The following SUCO variants were observed in gnomAD, a reference collection of about 807,000 sequenced individuals.
SUCO encodes SUN domain containing ossification factor.
SUCO carries 57 observed loss-of-function variants against 148.1 expected under a neutral mutation model. The observed-to-expected ratio is 0.38, with a 90% CI of 0.31 to 0.48. The LOEUF (loss-of-function observed/expected upper bound fraction) is 0.48, where lower values mean the gene tolerates loss of function less well. SUCO is among the 20% of genes least tolerant of loss of function. The probability of loss-of-function intolerance (pLI) is 0.96; values close to 1 mark genes in which losing one functional copy is unlikely to be tolerated. For synonymous variants in SUCO, 470 were observed against 502.7 expected (o/e 0.93, Z 0.87); for missense variants, 1,331 against 1,468.2 (o/e 0.91, Z 1.53).
chr1:172,538,318 G>A (rs1403294711), intron 1 of SUCO, among the ~76,000 whole-genome samples: 1 of 152,084 alleles, frequency 6.6e-6, no homozygotes, highest in Non-Finnish European at 1.5e-5. Context: ...GTTTTTATCA[G>A]TTTAAGAGGT....
In SUCO at chr1:172,590,859, C is replaced by T. The variant is rs571932261; in HGVS notation, c.2826-125C>T. ...GATAAATAGAATTGTATTGCATAGG[C>T]CTGAATAAGAGTCACTTTCAGAAAA... On this transcript the variant is annotated intron_variant, in intron 18 of 23. Transcript: ENST00000263688. 4.6e-4 allele frequency: 298 copies of T among 648,868 alleles called. 4 individuals are homozygous for T. In the South Asian group the frequency reaches 5.7e-3, roughly 12 times the overall value. 40.2% of individuals were successfully genotyped at this position (648,868 alleles called of 1,614,324 possible).
In SUCO at chr1:172,581,863, CAA is replaced by C. The variant is rs539865134; in HGVS notation, c.1498+2598_1498+2599del. 3.6e-3 allele frequency among the ~76,000 whole-genome samples: 545 copies of C among 152,232 alleles called. 2 individuals are homozygous for C. Among genetic ancestry groups the C allele is most frequent in the African/African-American group, 0.013 (524 of 41,542 alleles). On this transcript the variant is annotated intron_variant, in intron 15 of 23. Coordinates refer to ENST00000263688, the MANE Select transcript of SUCO (RefSeq NM_014283.5). Reference sequence around the variant, plus strand: ...TTTGCCTGTGCTGAGAGTTGGATGTCAAAGAGCATCCACACTGCATAAACATT... The same window carrying C: ...TTTGCCTGTGCTGAGAGTTGGATGTCAGAGCATCCACACTGCATAAACATT...
At chr1:172,541,915 G>T (rs1652489654) in intron 1 of SUCO, 1 of 888,748 alleles carries the variant, frequency 1.1e-6, no homozygotes, top group Admixed American at 6.2e-5. Flanking sequence ...CTGTTTGTTT[G>T]CTTGTTTGTT....
At chr1:172,584,953 C>CT (rs1656136192) in intron 15 of SUCO, 65 bp from the exon 16 acceptor site, 1 of 1,045,838 alleles carries the variant, frequency 9.6e-7, no homozygotes, top group African/African-American at 1.6e-5. Context: ...TTTTGACTAT[C>CT]TGATATTAAT....
chr1:172,546,405 C>G (rs1652858671), intron 1 of SUCO, among the ~76,000 whole-genome samples: 1 of 152,092 alleles, frequency 6.6e-6, no homozygotes, highest in African/African-American at 2.4e-5. Context: ...TGATACTGGT[C>G]AAAGCTAGAT....
chr1:172,559,639 A>G (rs1182365656), intron 6 of SUCO, among the ~76,000 whole-genome samples: 2 of 152,230 alleles, frequency 1.3e-5, no homozygotes, highest in African/African-American at 4.8e-5. Context: ...TTCTGCAGTC[A>G]TGCTTATATA....
intron 1 of SUCO, among the ~76,000 whole-genome samples, chr1:172,537,069 AT>A (rs1448726991): frequency 6.6e-6 from 1 of 152,136 alleles, no homozygotes; most frequent in Non-Finnish European, 1.5e-5. Flanking sequence ...CCTATACCCT[AT>A]ACCATACTCC....
Position 172,588,958 on chromosome 1 carries a change from A to G in SUCO, c.1857A>G (p.Glu619=). Residue 619 remains glutamate (E), a synonymous_variant, in exon 18 of 24, where the codon GAA becomes GAG. Coordinates refer to ENST00000263688, the MANE Select transcript of SUCO (RefSeq NM_014283.5). ...CAGAGACACAAATATTTTGCAGTGA[A>G]CTGACCACAATTTGTTGTATTTCTA... ...FESETQIFCS[E]LTTICCISSF... The G allele has an allele frequency of 6.2e-7, 1 of 1,611,014 alleles. No homozygotes were observed. Among genetic ancestry groups the G allele is most frequent in the Non-Finnish European group, 8.5e-7 (1 of 1,178,572 alleles).
At position 172,611,689 on chromosome 1, in the gene SUCO, G is replaced by C. The variant is rs11539705; in HGVS notation, c.*1430G>C. ...TGATTTTATAGAAGCCCCTTGAAAA[G>C]AGGTCCAGATGAGAGCAGAGATACA... On this transcript the variant is annotated 3_prime_UTR_variant, in exon 24 of 24. Coordinates refer to ENST00000263688, the MANE Select transcript of SUCO (RefSeq NM_014283.5). The C allele has an allele frequency of 1.3e-5, 2 of 152,640 alleles. No homozygotes were observed. The highest frequency in any genetic ancestry group is 4.8e-5 in the African/African-American group (2 of 41,454). The allele number at this position is 152,640 out of a possible 1,614,324, so 9.5% of individuals were successfully genotyped here.
chr1:172,590,300 G>A, intron 18 of SUCO: 1 of 981,568 alleles, frequency 1.0e-6, no homozygotes. Context: ...AGTGGAATTT[G>A]ACCAGATATC....
At chr1:172,588,649 C>T (rs1656400337) in intron 17 of SUCO, 111 bp from the exon 18 acceptor site, 1 of 1,258,950 alleles carries the variant, frequency 7.9e-7, no homozygotes, top group Non-Finnish European at 1.0e-6. Context: ...CAAATTTCTT[C>T]TATATTTCCA....
intron 2 of SUCO, 22 bp downstream of exon 2, chr1:172,551,648 T>C: frequency 2.7e-6 from 4 of 1,455,814 alleles, no homozygotes; most frequent in Non-Finnish European, 3.8e-6. Flanking sequence ...AAAGTTAACA[T>C]TATAATTTGT....
intron 16 of SUCO, 135 bp from the exon 17 acceptor site, chr1:172,585,722 AT>A (rs1342397237): frequency 1.6e-6 from 1 of 621,394 alleles, no homozygotes. Flanking sequence ...AAGAACTTTG[AT>A]TTTTTAAGAA....
At chr1:172,586,891 A>G (rs957141365) in intron 17 of SUCO, among the ~76,000 whole-genome samples, 3 of 152,144 alleles carry the variant, frequency 2.0e-5, no homozygotes, top group Admixed American at 2.0e-4. Context: ...ATTAGAAAAT[A>G]TAGCGTATGT....
At chr1:172,532,952 C>A, upstream of SUCO, 1 of 901,632 alleles carries the variant, frequency 1.1e-6, no homozygotes, top group Non-Finnish European at 1.3e-6. Context: ...TCTCCGCCTG[C>A]GACGTCGAAG....
intron 23 of SUCO, 31 bp from the exon 24 acceptor site, chr1:172,609,785 A>G (rs369567582): frequency 3.2e-6 from 5 of 1,566,748 alleles, no homozygotes; most frequent in African/African-American, 2.8e-5. Context: ...GGGAAGTATC[A>G]TTACTAACTT....
intron 22 of SUCO, among the ~76,000 whole-genome samples, chr1:172,606,302 A>G (rs1180766985): frequency 6.0e-5 from 9 of 149,848 alleles, no homozygotes; most frequent in African/African-American, 2.0e-4. Flanking sequence ...TTCCCCTTCC[A>G]TGCTTTCATT....
intron 7 of SUCO, 187 bp downstream of exon 7, chr1:172,569,329 T>C (rs181205715): frequency 2.8e-4 from 247 of 881,272 alleles, no homozygotes; most frequent in Middle Eastern, 1.7e-3. Flanking sequence ...CATACAGTTT[T>C]AGTTTTAATT....
intron 1 of SUCO, among the ~76,000 whole-genome samples, chr1:172,541,641 G>A (rs1036839003): frequency 2.6e-5 from 4 of 152,220 alleles, no homozygotes; most frequent in African/African-American, 9.6e-5. Flanking sequence ...ACAGCATTAG[G>A]CTAGGATTCT....
Sources: allele counts gnomAD v4.1 joint callset (sites outside exome capture counted in the v4.1 genomes callset), GRCh38; gene constraint gnomAD v4.1.1; transcripts MANE v1.5; gene names NCBI Gene and HGNC (gene_info 2026-07-23, HGNC 2026-07-21).